Variants in DENND1A observed in about 807,000 individuals in gnomAD.
The protein encoded by DENND1A is DENN domain containing 1A.
A neutral mutation model predicts 113.7 loss-of-function variants in DENND1A; 51 were observed. The observed-to-expected ratio is 0.45, with a 90% CI of 0.36 to 0.57. The LOEUF (loss-of-function observed/expected upper bound fraction) is 0.57, where lower values mean the gene tolerates loss of function less well. Among genes scored for constraint, DENND1A ranks in the 20% least tolerant of loss-of-function variants. The pLI is 0.00. For synonymous variants in DENND1A, 565 were observed against 570.8 expected, an observed-to-expected ratio of 0.99 and a Z score of 0.14; for missense variants, 1,258 against 1,395.9, an observed-to-expected ratio of 0.90 and a Z score of 1.57.
chr9:123,454,830 T>C, intron 15 of DENND1A, 51 bp from the exon 16 acceptor site: 2 of 1,504,178 alleles, frequency 1.3e-6, no homozygotes, highest in East Asian at 2.5e-5. Flanking sequence ...TGATTTGTCC[T>C]TGGGAGTCCT....
In DENND1A at chr9:123,583,152, G is replaced by T; in HGVS notation, c.867+17C>A. On this transcript the variant is annotated intron_variant, in intron 12 of 23. Transcript: ENST00000394215. Reference sequence around the variant, plus strand: ...AGGAGCTCACAGAAGTGAGATCCTCGCAAGCTCATTACCTACCACGTCGTT... The same window carrying T: ...AGGAGCTCACAGAAGTGAGATCCTCTCAAGCTCATTACCTACCACGTCGTT... 6.3e-7 allele frequency: 1 copy of T among 1,580,788 alleles called. No homozygotes were observed. The highest frequency in any genetic ancestry group is 8.6e-7 in the Non-Finnish European group (1 of 1,156,926).
chr9:123,452,572 G>A (rs1288028599), intron 16 of DENND1A, among the ~76,000 whole-genome samples: 1 of 152,040 alleles, frequency 6.6e-6, no homozygotes, highest in African/African-American at 2.4e-5. Context: ...GGGATGAGGA[G>A]TGTGAATTGA....
chr9:123,569,441 T>C (rs2058236100), intron 12 of DENND1A: 1 of 152,228 alleles, frequency 6.6e-6, no homozygotes, highest in Non-Finnish European at 1.5e-5. Flanking sequence ...AAGCTTGGAA[T>C]TGTGGTTTAT....
At chr9:123,439,098 A>C (rs1356862278) in intron 19 of DENND1A, among the ~76,000 whole-genome samples, 1 of 152,250 alleles carries the variant, frequency 6.6e-6, no homozygotes, top group Non-Finnish European at 1.5e-5. Flanking sequence ...CAGCCAGGGA[A>C]CTGGGGTGCA....
chr9:123,644,305 G>A (rs981778236), intron 9 of DENND1A, among the ~76,000 whole-genome samples: 4 of 131,964 alleles, frequency 3.0e-5, no homozygotes, highest in Non-Finnish European at 4.6e-5. Flanking sequence ...TACTGAGGAC[G>A]AATCTACTTA....
At chr9:123,837,196 T>C (rs1267624022) in intron 2 of DENND1A, among the ~76,000 whole-genome samples, 2 of 152,334 alleles carry the variant, frequency 1.3e-5, no homozygotes, top group East Asian at 3.9e-4. Context: ...TTTTGCATGC[T>C]GCTTTCCTAT....
chr9:123,512,481 A>G (rs2053539872), intron 13 of DENND1A, among the ~76,000 whole-genome samples: 1 of 152,188 alleles, frequency 6.6e-6, no homozygotes, highest in South Asian at 2.1e-4. Context: ...GGACTTGGAG[A>G]TTCAAATGAG....
At chr9:123,926,974 G>A (rs1293222989) in intron 1 of DENND1A, among the ~76,000 whole-genome samples, 3 of 152,182 alleles carry the variant, frequency 2.0e-5, no homozygotes, top group South Asian at 2.1e-4. Context: ...GGAGGGGGTG[G>A]GGGTGGCAAC....
At chr9:123,564,654 A>G (rs986348542) in intron 12 of DENND1A, among the ~76,000 whole-genome samples, 1 of 152,238 alleles carries the variant, frequency 6.6e-6, no homozygotes, top group Non-Finnish European at 1.5e-5. Context: ...CTTCTATCCA[A>G]TGCCATCCAA....
chr9:123,576,169 A>G (rs1182883766), intron 12 of DENND1A, among the ~76,000 whole-genome samples: 2 of 152,188 alleles, frequency 1.3e-5, no homozygotes, highest in Non-Finnish European at 2.9e-5. Context: ...TCTACCTTCA[A>G]ATAATATTAT....
At chr9:123,725,743 G>A (rs572242772) in intron 5 of DENND1A, among the ~76,000 whole-genome samples, 3 of 152,242 alleles carry the variant, frequency 2.0e-5, no homozygotes, top group African/African-American at 4.8e-5. Context: ...AAGGAGAATC[G>A]ATGGGTTCCT....
intron 5 of DENND1A, among the ~76,000 whole-genome samples, chr9:123,702,266 A>G (rs1030011714): frequency 5.2e-4 from 79 of 152,170 alleles, no homozygotes; most frequent in African/African-American, 1.9e-3. Context: ...CAGAGGATAA[A>G]AAAGGAAAAA....
intron 13 of DENND1A, among the ~76,000 whole-genome samples, chr9:123,472,948 ATGCTTCCTCCTTGC>A (rs2049567778): frequency 6.6e-6 from 1 of 152,076 alleles, no homozygotes; most frequent in African/African-American, 2.4e-5. Flanking sequence ...CTGCCCTGGG[ATGCTTCCTCCTTGC>A]CCGGGGCTGG....
chr9:123,593,854 G>A (rs1428235214), intron 11 of DENND1A, among the ~76,000 whole-genome samples: 1 of 152,126 alleles, frequency 6.6e-6, no homozygotes, highest in Non-Finnish European at 1.5e-5. Context: ...CTGGTGGGAG[G>A]TGACTGGATC....
intron 12 of DENND1A, among the ~76,000 whole-genome samples, chr9:123,571,519 G>A (rs191560830): frequency 2.0e-5 from 3 of 152,190 alleles, no homozygotes; most frequent in African/African-American, 7.2e-5. Flanking sequence ...CTATAGACTA[G>A]CTTTCTCTCT....
chr9:123,627,507 C>G (rs1377577049), intron 10 of DENND1A, among the ~76,000 whole-genome samples: 2 of 152,106 alleles, frequency 1.3e-5, no homozygotes, highest in African/African-American at 4.8e-5. Context: ...TTCGGGAGGC[C>G]GAGGTGGGTG....
chr9:123,530,173 G>C (rs2055182557), intron 13 of DENND1A, among the ~76,000 whole-genome samples: 3 of 152,108 alleles, frequency 2.0e-5, no homozygotes. Flanking sequence ...TATTTGAAGA[G>C]ATAATGCCTG....
At chr9:123,853,067 A>G (rs1843613658) in intron 2 of DENND1A, among the ~76,000 whole-genome samples, 1 of 151,846 alleles carries the variant, frequency 6.6e-6, no homozygotes, top group Non-Finnish European at 1.5e-5. Flanking sequence ...TTACAGGTGA[A>G]CACCACCACA....
intron 19 of DENND1A, among the ~76,000 whole-genome samples, chr9:123,421,169 TC>T (rs1232405070): frequency 4.0e-5 from 6 of 149,422 alleles, no homozygotes; most frequent in African/African-American, 1.5e-4. Context: ...GGGGAAATGA[TC>T]TCCTCTCTGG....
Sources: allele counts gnomAD v4.1 joint callset (sites outside exome capture counted in the v4.1 genomes callset), GRCh38; gene constraint gnomAD v4.1.1; transcripts MANE v1.5; gene names NCBI Gene and HGNC (gene_info 2026-07-23, HGNC 2026-07-21).